Variants in ACCS observed in about 807,000 individuals in gnomAD.
ACCS encodes 1-aminocyclopropane-1-carboxylate synthase-like protein 1.
ACCS carries 42 observed loss-of-function variants against 59.8 expected under a neutral mutation model. That is an observed-to-expected ratio of 0.70 (90% confidence interval 0.55 to 0.91). The LOEUF (loss-of-function observed/expected upper bound fraction) is 0.91, where lower values mean the gene tolerates loss of function less well. Among genes scored for constraint, ACCS ranks in the 40% least tolerant of loss-of-function variants. ACCS has a pLI of 0.00. For synonymous variants in ACCS, 230 were observed against 240.3 expected (o/e 0.96, Z 0.40); for missense variants, 602 against 630.4 (o/e 0.95, Z 0.48).
intron 1 of ACCS, among the ~76,000 whole-genome samples, chr11:44,066,957 C>G (rs777110141): frequency 2.6e-5 from 4 of 152,198 alleles, no homozygotes; most frequent in Non-Finnish European, 5.9e-5. Context: ...GTCTTCACGG[C>G]CACCCCGAGG....
Position 44,073,216 on chromosome 11 carries a change from G to A in ACCS, c.349-231G>A, listed in dbSNP as rs1162114903. 9 of 568,094 alleles carry A rather than the reference G, an allele frequency of 1.6e-5. No homozygotes were observed. In the Middle Eastern group the frequency reaches 2.9e-3, roughly 180 times the overall value. 35.2% of individuals were successfully genotyped at this position (568,094 alleles called of 1,614,324 possible). A position where few individuals can be genotyped will look rare whatever the true frequency, so the allele number is the denominator to read the frequency against. ...CCAGACTAGGAGTCAAAAATTTTGG[G>A]TTTTTGTCTCAGCTCTGCCACTTGC... On this transcript the variant is annotated intron_variant, in intron 3 of 14. Coordinates refer to ENST00000263776, the MANE Select transcript of ACCS (RefSeq NM_032592.4).
chr11:44,067,795 C>G lies in ACCS; in HGVS notation c.168C>G (p.Ile56Met). The G allele has an allele frequency of 1.2e-6, 2 of 1,614,182 alleles. No homozygotes were observed. Among genetic ancestry groups the G allele is most frequent in the Non-Finnish European group, 8.5e-7 (1 of 1,180,022 alleles). The change falls in exon 2 of 15, where the codon ATC becomes ATG. Residue 56 changes from isoleucine (I) to methionine (M), a missense_variant. By Grantham distance (10) the Ile-to-Met change is conservative. Coordinates refer to ENST00000263776, the MANE Select transcript of ACCS (RefSeq NM_032592.4). ...ELRGVGDPAM[I>M]SSDTSYLSSR... ...GTGGAGTGGGTGATCCTGCCATGATCTCCTCTGATACCTCCTACCTGTCCT... is the reference window on the plus strand; with the variant it reads ...GTGGAGTGGGTGATCCTGCCATGATGTCCTCTGATACCTCCTACCTGTCCT...
At chr11:44,080,694 A>G (rs1202954103) in intron 10 of ACCS, 2 of 408,290 alleles carry the variant, frequency 4.9e-6, no homozygotes, top group Non-Finnish European at 9.1e-6. Flanking sequence ...TGTTTAGGGT[A>G]CCTGATTGGC....
chr11:44,083,321 G>A lies in ACCS; in HGVS notation c.1254+10G>A. On this transcript the variant is annotated intron_variant, in intron 13 of 14. Coordinates refer to ENST00000263776, the MANE Select transcript of ACCS (RefSeq NM_032592.4). ...GGTTGACTTGAGAAAGGTAATGCTG[G>A]TGGAGGTGCGGGCTGAGAGGGAGTT... 1 of 1,613,968 alleles carries A rather than the reference G, an allele frequency of 6.2e-7. No homozygotes were observed. Among genetic ancestry groups the A allele is most frequent in the Non-Finnish European group, 8.5e-7 (1 of 1,179,850 alleles).
intron 6 of ACCS, among the ~76,000 whole-genome samples, chr11:44,076,841 C>A (rs1953386031): frequency 1.3e-5 from 2 of 152,196 alleles, no homozygotes; most frequent in Admixed American, 6.5e-5. Flanking sequence ...GCTGGGGAGG[C>A]CTCACAGTCA....
chr11:44,074,488 C>A, intron 4 of ACCS, 124 bp from the exon 5 acceptor site: 1 of 771,048 alleles, frequency 1.3e-6, no homozygotes. Context: ...GATACACCCA[C>A]ACCCCATCAT....
chr11:44,070,260 G>A (rs1310528625), intron 2 of ACCS, among the ~76,000 whole-genome samples: 2 of 152,142 alleles, frequency 1.3e-5, no homozygotes, highest in Non-Finnish European at 2.9e-5. Context: ...ATGGAGATTT[G>A]ACTTGGCAGG....
Position 44,077,930 on chromosome 11 carries a change from G to C in ACCS, c.732+8G>C. 1 of 1,613,424 alleles carries C rather than the reference G, an allele frequency of 6.2e-7. No homozygotes were observed. The highest frequency in any genetic ancestry group is 8.5e-7 in the Non-Finnish European group (1 of 1,179,678). On this transcript the variant is annotated splice_region_variant and intron_variant, in intron 8 of 14. Coordinates refer to ENST00000263776, the MANE Select transcript of ACCS (RefSeq NM_032592.4). ...AGAGAAGCTCACTCTGAGGTCTGGG[G>C]ATCAAATCAAACCTGAGGCTGGGTG...
intron 12 of ACCS, 111 bp downstream of exon 12, chr11:44,081,431 G>T: frequency 1.4e-6 from 2 of 1,480,516 alleles, no homozygotes; most frequent in Non-Finnish European, 1.8e-6. Flanking sequence ...GGTAATGTTT[G>T]AGAGTGCCAG....
intron 8 of ACCS, 141 bp from the exon 9 acceptor site, chr11:44,078,543 C>T (rs951599241): frequency 3.5e-5 from 21 of 607,168 alleles, no homozygotes; most frequent in African/African-American, 7.4e-5. Flanking sequence ...TTCTGTGTTC[C>T]GCTTGTTTGC....
chr11:44,067,914 G>C lies in ACCS; in HGVS notation c.287G>C (p.Ser96Thr), dbSNP rs762972719. The part of the protein sequence containing the change: ...MDEYDEDKNP[S>T]GIINLGTSEN... ...GAGTATGATGAGGACAAGAACCCCA[G>C]TGTGAGTGAAGCTCCCCTCCCACTG... The change falls in exon 2 of 15, where the codon AGT (serine) becomes ACT (threonine). Residue 96 changes from serine (S) to threonine (T), a missense_variant and splice_region_variant. Physicochemically the swap from Ser to Thr is moderately conservative, Grantham distance 58. Transcript: ENST00000263776. The C allele has an allele frequency of 6.3e-7, 1 of 1,594,930 alleles. No individual in the cohort carries two copies. Among genetic ancestry groups the C allele is most frequent in the Admixed American group, 1.7e-5 (1 of 58,032 alleles).
intron 12 of ACCS, 65 bp from the exon 13 acceptor site, chr11:44,083,104 A>C (rs761429750): frequency 7.6e-6 from 12 of 1,587,746 alleles, no homozygotes; most frequent in Non-Finnish European, 1.0e-5. Flanking sequence ...TACAGCATTT[A>C]GACTAGTGGG....
At chr11:44,069,034 G>T (rs1232269208) in intron 2 of ACCS, among the ~76,000 whole-genome samples, 1 of 152,138 alleles carries the variant, frequency 6.6e-6, no homozygotes, top group Admixed American at 6.5e-5. Flanking sequence ...GTAGAAGGAG[G>T]TCACAGAAGG....
intron 12 of ACCS, 131 bp from the exon 13 acceptor site, chr11:44,083,038 G>A: frequency 8.2e-7 from 1 of 1,217,388 alleles, no homozygotes; most frequent in Non-Finnish European, 1.2e-6. Context: ...TCCCACCACA[G>A]CAGCCAGCTA....
chr11:44,067,510 A>G, intron 1 of ACCS, 118 bp from the exon 2 acceptor site: 2 of 1,098,186 alleles, frequency 1.8e-6, no homozygotes, highest in South Asian at 1.5e-5. Flanking sequence ...TGATGAGTGC[A>G]TAAACCTAAA....
Position 44,083,958 on chromosome 11 carries a change from T to G in ACCS, c.*166T>G, listed in dbSNP as rs1289538627. On this transcript the variant is annotated 3_prime_UTR_variant, in exon 15 of 15. Transcript: ENST00000263776. ...GTCTTTCGCTGTAGCAGTGGGAAAC[T>G]CCTTAAGCTGTGGTTCAGCCTGGGC... 6.3e-6 allele frequency: 9 copies of G among 1,421,194 alleles called. No homozygotes were observed. The highest frequency in any genetic ancestry group is 1.8e-6 in the Non-Finnish European group (2 of 1,081,088). 88.0% of individuals were successfully genotyped at this position (1,421,194 alleles called of 1,614,324 possible).
At chr11:44,068,826 T>G (rs1227646284) in intron 2 of ACCS, among the ~76,000 whole-genome samples, 1 of 152,262 alleles carries the variant, frequency 6.6e-6, no homozygotes, top group African/African-American at 2.4e-5. Context: ...TAATCTTTAT[T>G]TGTTGAGCAT....
chr11:44,083,067 A>T (rs886194265), intron 12 of ACCS, 102 bp from the exon 13 acceptor site: 1 of 1,485,526 alleles, frequency 6.7e-7, no homozygotes, highest in African/African-American at 1.4e-5. Flanking sequence ...ACTCAACAGC[A>T]TCCTGGCAGC....
At chr11:44,078,093 C>T (rs1173303187) in intron 8 of ACCS, 171 bp downstream of exon 8, 25 of 817,162 alleles carry the variant, frequency 3.1e-5, no homozygotes, top group Middle Eastern at 3.7e-4. Flanking sequence ...AGAACCCTGC[C>T]CAGGGAGGGT....
Sources: gnomAD v4.1 joint callset for allele counts (sites outside exome capture counted in the v4.1 genomes callset) on GRCh38, gnomAD v4.1.1 for gene constraint, MANE v1.5 for transcripts, NCBI Gene and HGNC (gene_info 2026-07-23, HGNC 2026-07-21) for gene names.